The following NUP160 variants were observed in gnomAD, a reference collection of about 807,000 sequenced individuals.
NUP160 encodes the protein nuclear pore complex protein Nup160.
Under a neutral mutation model 196.9 loss-of-function variants are expected in NUP160, and 94 were observed. The observed-to-expected ratio is 0.48, with a 90% CI of 0.40 to 0.57. The LOEUF (loss-of-function observed/expected upper bound fraction) is 0.57. NUP160 is among the 20% of genes least tolerant of loss of function. NUP160 has a pLI of 0.00. For synonymous variants in NUP160, 605 were observed against 619.7 expected (o/e 0.98, Z 0.35); for missense variants, 1,638 against 1,748.3 (o/e 0.94, Z 1.13).
chr11:47,801,348 ATTTCTT>A (rs977335553), intron 23 of NUP160, among the ~76,000 whole-genome samples: 1 of 151,972 alleles, frequency 6.6e-6, no homozygotes, highest in Non-Finnish European at 1.5e-5. Flanking sequence ...TGTTTCTTTA[ATTTCTT>A]TTTGTTTTTT....
intron 7 of NUP160, among the ~76,000 whole-genome samples, chr11:47,829,368 C>T (rs980279605): frequency 2.6e-5 from 4 of 152,096 alleles, no homozygotes; most frequent in Admixed American, 1.3e-4. Flanking sequence ...CTGGATGGTG[C>T]GATCCCGGCT....
chr11:47,848,081 G>T, intron 1 of NUP160, 122 bp from the exon 2 acceptor site: 4 of 1,264,514 alleles, frequency 3.2e-6, no homozygotes, highest in Non-Finnish European at 4.6e-6. Flanking sequence ...GAAAACGTCG[G>T]ACATCAAGGA....
At chr11:47,840,136 G>T in intron 3 of NUP160, 71 bp from the exon 4 acceptor site, 1 of 1,185,174 alleles carries the variant, frequency 8.4e-7, no homozygotes, top group Non-Finnish European at 1.2e-6. Flanking sequence ...CCTCTCTATT[G>T]CTAAAAAAGT....
intron 9 of NUP160, among the ~76,000 whole-genome samples, chr11:47,819,867 C>T (rs930196669): frequency 1.3e-5 from 2 of 152,198 alleles, no homozygotes; most frequent in African/African-American, 4.8e-5. Flanking sequence ...GGATATAGTA[C>T]TCCCATTTCA....
In NUP160 at chr11:47,792,978, C is replaced by A. The variant is rs747080853; in HGVS notation, c.3290-32G>T. 5 of 1,582,036 alleles carry A rather than the reference C, an allele frequency of 3.2e-6. No homozygotes were observed. The East Asian group carries it at 9.0e-5, about 29-fold the overall frequency. ...GGAGATAATAAATTAGACTTTAGAA[C>A]TTCCAAATTTTTTTTTCTTTTTTTT... On this transcript the variant is annotated intron_variant, in intron 27 of 35. Coordinates refer to ENST00000378460, the Ensembl canonical transcript of NUP160.
intron 29 of NUP160, among the ~76,000 whole-genome samples, chr11:47,790,161 T>C (rs2097667096): frequency 2.0e-5 from 3 of 151,908 alleles, no homozygotes; most frequent in Admixed American, 2.0e-4. Flanking sequence ...GTCAGGCTGG[T>C]CTCAAAACTC....
exon 17 of NUP160, chr11:47,812,084 A>C (rs779699210): frequency 3.1e-6 from 5 of 1,614,132 alleles, no homozygotes; most frequent in Non-Finnish European, 4.2e-6. Context: ...AGCCTCATTA[A>C]CAGCTGCTGT....
exon 13 of NUP160, chr11:47,815,640 T>C (rs1487651011): frequency 6.3e-7 from 1 of 1,584,540 alleles, no homozygotes; most frequent in Admixed American, 2.0e-5. Context: ...TCTGTTACAC[T>C]TCCTTGAAGC....
chr11:47,806,371 AAT>A, intron 19 of NUP160, 59 bp from the exon 20 acceptor site: 1 of 1,338,364 alleles, frequency 7.5e-7, no homozygotes. Context: ...TTTCAATTAA[AAT>A]AGTCTATCAA....
At chr11:47,786,616 T>C in intron 31 of NUP160, 62 bp from the exon 32 acceptor site, 3 of 990,064 alleles carry the variant, frequency 3.0e-6, no homozygotes, top group Non-Finnish European at 4.8e-6. Context: ...TTTAATTTGA[T>C]ACTAAAACTA....
intron 27 of NUP160, among the ~76,000 whole-genome samples, chr11:47,794,076 G>A (rs1565189944): frequency 6.6e-6 from 1 of 152,098 alleles, no homozygotes; most frequent in Non-Finnish European, 1.5e-5. Context: ...AGGGAATCGG[G>A]GTTGGGAGGA....
At position 47,801,947 on chromosome 11, in the gene NUP160, TA is replaced by T; in HGVS notation, c.2776-18del. 1 of 1,612,970 alleles carries T rather than the reference TA, an allele frequency of 6.2e-7. No individual in the cohort carries two copies. The highest frequency in any genetic ancestry group is 8.5e-7 in the Non-Finnish European group (1 of 1,179,218). On this transcript the variant is annotated intron_variant, in intron 22 of 35. Coordinates refer to ENST00000378460, the Ensembl canonical transcript of NUP160. ...TTCCAGAGCCTGGAGAAATAAAATA[TA>T]AAATGACTTGTAACAGATCATTCAA... is the stretch of plus-strand genomic sequence containing the variant.
intron 2 of NUP160, among the ~76,000 whole-genome samples, chr11:47,843,119 T>C (rs1225055394): frequency 1.3e-5 from 2 of 152,186 alleles, no homozygotes; most frequent in Non-Finnish European, 2.9e-5. Context: ...CAACTGCACA[T>C]AGATATATTA....
intron 7 of NUP160, among the ~76,000 whole-genome samples, chr11:47,830,429 C>G (rs1310365685): frequency 6.6e-6 from 1 of 152,160 alleles, no homozygotes; most frequent in East Asian, 1.9e-4. Context: ...CATTACAGCA[C>G]TGTTCACAAT....
At chr11:47,826,139 TAAACAAACAAACAAAC>T (rs377604809) in intron 7 of NUP160, among the ~76,000 whole-genome samples, 2 of 151,948 alleles carry the variant, frequency 1.3e-5, no homozygotes, top group East Asian at 3.9e-4. Flanking sequence ...CAAACAGCAT[TAAACAAACAAACAAAC>T]AAACAAACAA....
chr11:47,779,266 T>C, intron 35 of NUP160, 72 bp from the exon 36 acceptor site: 2 of 963,602 alleles, frequency 2.1e-6, no homozygotes, highest in South Asian at 1.5e-5. Flanking sequence ...ATTAATAACT[T>C]TGACTTCACC....
At chr11:47,831,686 A>T (rs1852075844) in intron 7 of NUP160, among the ~76,000 whole-genome samples, 1 of 151,714 alleles carries the variant, frequency 6.6e-6, no homozygotes, top group African/African-American at 2.4e-5. Context: ...CTAAAAAAAT[A>T]CAAAAACTTA....
At chr11:47,780,238 CTTT>C in intron 35 of NUP160, 102 bp downstream of exon 35, 1 of 805,680 alleles carries the variant, frequency 1.2e-6, no homozygotes, top group South Asian at 1.5e-5. Context: ...CAAAAATAGG[CTTT>C]TGTCTTCCCT....
rs762190949 is a variant in NUP160, at chr11:47,840,585, C to A, written c.318G>T (p.Lys106Asn). Reference sequence around the variant, plus strand: ...TCAGCTCCAATGTATCTCCAGAGGTCTTCCTGTTGAAAAAGAGACATTTGT... The same window carrying A: ...TCAGCTCCAATGTATCTCCAGAGGTATTCCTGTTGAAAAAGAGACATTTGT... Residue 106 changes from lysine to asparagine, a missense_variant, in exon 3 of 36, where the codon AAG becomes AAT. Physicochemically the swap from Lys to Asn is moderately conservative, Grantham distance 94. Coordinates refer to ENST00000378460, the Ensembl canonical transcript of NUP160. 10 of 1,579,846 alleles carry A rather than the reference C, an allele frequency of 6.3e-6. No homozygotes were observed. In the East Asian group the frequency reaches 1.8e-4, roughly 28 times the overall value.
Sources: gnomAD v4.1 joint callset for allele counts (sites outside exome capture counted in the v4.1 genomes callset) on GRCh38, gnomAD v4.1.1 for gene constraint, MANE v1.5 for transcripts, NCBI Gene and HGNC (gene_info 2026-07-23, HGNC 2026-07-21) for gene names.